Variants in FARS2 observed in about 807,000 individuals in gnomAD.
FARS2 encodes phenylalanyl-tRNA synthetase 2, mitochondrial.
A neutral mutation model predicts 46.4 loss-of-function variants in FARS2; 40 were observed. The ratio of observed to expected loss-of-function variants is 0.86; its 90% CI spans 0.67 to 1.12. FARS2 has a LOEUF of 1.12. FARS2 is among the 50% of genes most tolerant of loss of function. The pLI is 0.00. For synonymous variants in FARS2, 234 were observed against 214.9 expected (o/e 1.09, Z -0.78); for missense variants, 513 against 567.9 (o/e 0.90, Z 0.98).
At chr6:5,576,894 G>A (rs2150571760) in intron 5 of FARS2, among the ~76,000 whole-genome samples, 1 of 151,828 alleles carries the variant, frequency 6.6e-6, no homozygotes, top group South Asian at 2.1e-4. Flanking sequence ...GCCCTTTCCA[G>A]CTGCCTCCTA....
At chr6:5,642,953 G>A (rs1251142993) in intron 6 of FARS2, among the ~76,000 whole-genome samples, 3 of 152,218 alleles carry the variant, frequency 2.0e-5, no homozygotes, top group Non-Finnish European at 4.4e-5. Flanking sequence ...GCTGGCTGTG[G>A]TTGGGTCTGG....
intron 4 of FARS2, among the ~76,000 whole-genome samples, chr6:5,489,894 T>G (rs1180434555): frequency 6.6e-6 from 1 of 152,244 alleles, no homozygotes; most frequent in Non-Finnish European, 1.5e-5. Context: ...ATGCACATAA[T>G]AATATTTTTT....
intron 1 of FARS2, among the ~76,000 whole-genome samples, chr6:5,353,726 G>GTTTTGTTTT (rs1757721834): frequency 9.9e-5 from 4 of 40,362 alleles, no homozygotes; most frequent in African/African-American, 1.9e-4. Flanking sequence ...AATATTTGGT[G>GTTTTGTTTT]TTTTTTTTTT....
intron 2 of FARS2, among the ~76,000 whole-genome samples, chr6:5,373,057 A>G (rs938352281): frequency 2.0e-5 from 3 of 152,170 alleles, no homozygotes; most frequent in Non-Finnish European, 4.4e-5. Context: ...GTTCTCCCTA[A>G]ATCCTCACAA....
chr6:5,483,736 G>A (rs962571227), intron 4 of FARS2, among the ~76,000 whole-genome samples: 1 of 151,978 alleles, frequency 6.6e-6, no homozygotes, highest in African/African-American at 2.4e-5. Flanking sequence ...CTTAGAATAT[G>A]GTATAAAACT....
At chr6:5,722,986 G>A (rs1381853071) in intron 6 of FARS2, among the ~76,000 whole-genome samples, 2 of 152,228 alleles carry the variant, frequency 1.3e-5, no homozygotes, top group Non-Finnish European at 2.9e-5. Flanking sequence ...AGTCAAGGGA[G>A]CAATAAACAA....
chr6:5,276,144 G>T (rs1766317682), intron 1 of FARS2, among the ~76,000 whole-genome samples: 1 of 152,120 alleles, frequency 6.6e-6, no homozygotes, highest in Non-Finnish European at 1.5e-5. Flanking sequence ...TAGAATGGAG[G>T]TACTTTAAAA....
intron 6 of FARS2, chr6:5,668,001 C>T (rs1487082552): frequency 6.6e-6 from 1 of 152,222 alleles, no homozygotes. Context: ...ATCTCCTGCT[C>T]TATTACTTCG....
chr6:5,494,126 CTTT>C (rs56775720), intron 4 of FARS2, among the ~76,000 whole-genome samples: 1 of 131,236 alleles, frequency 7.6e-6, no homozygotes, highest in Non-Finnish European at 1.7e-5. Context: ...TTTTTTTTTT[CTTT>C]TTTTTTTTTT....
At position 5,404,718 on chromosome 6, in the gene FARS2, A is replaced by C. The variant is rs1326572056; in HGVS notation, c.772+17A>C. 1 of 1,533,258 alleles carries C rather than the reference A, an allele frequency of 6.5e-7. No individual in the cohort carries two copies. Among genetic ancestry groups the C allele is most frequent in the Non-Finnish European group, 8.8e-7 (1 of 1,133,896 alleles). The allele number at this position is 1,533,258 out of a possible 1,614,324, so 95.0% of individuals were successfully genotyped here. On this transcript the variant is annotated intron_variant, in intron 3 of 6. Transcript: ENST00000274680. ...TTGGAGATGGTAAGTGCTCAAACACAGGTTGACGATCTCTTATCTGAAATA... is the reference window on the plus strand; with the variant it reads ...TTGGAGATGGTAAGTGCTCAAACACCGGTTGACGATCTCTTATCTGAAATA...
chr6:5,260,595 C>G, upstream of FARS2: 1 of 1,206,768 alleles, frequency 8.3e-7, no homozygotes, highest in Non-Finnish European at 1.2e-6. Context: ...CCCGCACCCC[C>G]GGTCCCCGGC....
chr6:5,354,919 G>A (rs1452510908), intron 1 of FARS2, among the ~76,000 whole-genome samples: 1 of 152,056 alleles, frequency 6.6e-6, no homozygotes, highest in Non-Finnish European at 1.5e-5. Context: ...TTGGGTCTAG[G>A]GTAGGGCTTG....
chr6:5,431,569 A>G (rs1763167743), intron 4 of FARS2: 2 of 488,940 alleles, frequency 4.1e-6, no homozygotes, highest in African/African-American at 2.0e-5. Flanking sequence ...TGCACTTAGT[A>G]TAGTGTCCCA....
intron 1 of FARS2, among the ~76,000 whole-genome samples, chr6:5,321,426 A>G (rs1769966503): frequency 1.3e-5 from 2 of 152,180 alleles, no homozygotes; most frequent in South Asian, 2.1e-4. Context: ...CAGTGTGAGC[A>G]GAGGATGGAG....
intron 4 of FARS2, among the ~76,000 whole-genome samples, chr6:5,436,361 G>A (rs1272201924): frequency 7.2e-6 from 1 of 139,762 alleles, no homozygotes; most frequent in African/African-American, 2.5e-5. Flanking sequence ...ACTTAACATG[G>A]TTCACTGTTG....
At chr6:5,502,236 A>G (rs77963235) in intron 4 of FARS2, among the ~76,000 whole-genome samples, 1 of 152,218 alleles carries the variant, frequency 6.6e-6, no homozygotes, top group African/African-American at 2.4e-5. Flanking sequence ...AGTGAGAATT[A>G]TAGCAATTTA....
intron 4 of FARS2, among the ~76,000 whole-genome samples, chr6:5,501,380 A>G (rs1428522149): frequency 6.6e-6 from 1 of 152,238 alleles, no homozygotes; most frequent in Non-Finnish European, 1.5e-5. Flanking sequence ...TAACAGAGCC[A>G]TTAACTGATA....
intron 4 of FARS2, among the ~76,000 whole-genome samples, chr6:5,442,428 C>T (rs1763895473): frequency 6.6e-6 from 1 of 151,250 alleles, no homozygotes; most frequent in South Asian, 2.1e-4. Context: ...CACACACACA[C>T]ATTTCTTTTT....
rs1050461989 is a variant in FARS2, at chr6:5,606,076, C to T, written c.1066-7093C>T. Among the ~76,000 whole-genome samples, 5 of 152,014 alleles carry T rather than the reference C, an allele frequency of 3.3e-5. No homozygotes were observed. The East Asian group carries it at 9.7e-4, about 29-fold the overall frequency. The stretch of plus-strand genomic sequence containing the variant: ...GAGGAAGATAGATTCAGAAGCTCCG[C>T]AGTATGGATTATTGCAGTTCCAGGA... On this transcript the variant is annotated intron_variant, in intron 5 of 6. Transcript: ENST00000274680.
Sources: gnomAD v4.1 joint callset for allele counts (sites outside exome capture counted in the v4.1 genomes callset) on GRCh38, gnomAD v4.1.1 for gene constraint, MANE v1.5 for transcripts, NCBI Gene and HGNC (gene_info 2026-07-23, HGNC 2026-07-21) for gene names.